Variants in DIAPH2 observed in about 807,000 individuals in gnomAD.
The protein encoded by DIAPH2 is diaphanous related formin 2, also known as protein diaphanous homolog 2.
Under a neutral mutation model 92.7 loss-of-function variants are expected in DIAPH2, and 35 were observed. The ratio of observed to expected loss-of-function variants is 0.38; its 90% confidence interval spans 0.29 to 0.50. The LOEUF (loss-of-function observed/expected upper bound fraction) is 0.50. Ranked by LOEUF, DIAPH2 falls within the 20% of genes least tolerant of loss-of-function variation. DIAPH2 has a pLI of 0.94. For synonymous variants in DIAPH2, 301 were observed against 280.4 expected (o/e 1.07, Z -0.73); for missense variants, 701 against 819.5 (o/e 0.86, Z 1.77).
Position 97,357,015 on chromosome X carries a change from C to G in DIAPH2, c.3009+8735C>G, listed in dbSNP as rs1469281764. ...CAATGCCACCTTTTCCTATTAAAGT[C>G]TAATAAGAACTAGAATCAGGAAACA... On this transcript the variant is annotated intron_variant, in intron 24 of 26. Transcript: ENST00000324765. 2.7e-5 allele frequency among the ~76,000 whole-genome samples: 3 copies of G among 111,702 alleles called. No individual in the cohort carries two copies. The East Asian group carries it at 8.4e-4, about 31-fold the overall frequency.
At chrX:97,041,481 A>G (rs2066447975) in intron 17 of DIAPH2, among the ~76,000 whole-genome samples, 1 of 110,974 alleles carries the variant, frequency 9.0e-6, no homozygotes, top group Admixed American at 9.6e-5. Context: ...TTTGTGATGA[A>G]TATTTCTTTA....
In DIAPH2 at chrX:97,382,318, C is replaced by T. The variant is rs972962627; in HGVS notation, c.3010-1591C>T. Among the ~76,000 whole-genome samples, 3 of 111,834 alleles carry T rather than the reference C, an allele frequency of 2.7e-5. No homozygotes were observed. In the Admixed American group the frequency reaches 2.8e-4, roughly 11 times the overall value. On this transcript the variant is annotated intron_variant, in intron 24 of 26. Transcript: ENST00000324765. ...TATAATTCAGTGGTTTGGCCGGGTGCGGTGGCTCACGCCTGTAATCCCAGC... is the reference window on the plus strand; with the variant it reads ...TATAATTCAGTGGTTTGGCCGGGTGTGGTGGCTCACGCCTGTAATCCCAGC...
chrX:97,155,226 G>A (rs764774247), intron 22 of DIAPH2, among the ~76,000 whole-genome samples: 2 of 111,877 alleles, frequency 1.8e-5, no homozygotes, highest in East Asian at 2.8e-4. Flanking sequence ...GAAATAGGCC[G>A]GGCTTGGTGG....
chrX:96,812,073 T>C (rs1352483945), intron 4 of DIAPH2, among the ~76,000 whole-genome samples: 2 of 112,009 alleles, frequency 1.8e-5, no homozygotes, highest in South Asian at 7.4e-4. Flanking sequence ...TTCTATTGAT[T>C]GGAATAGTTT....
intron 23 of DIAPH2, among the ~76,000 whole-genome samples, chrX:97,336,796 G>A (rs916108546): frequency 1.8e-5 from 2 of 111,508 alleles, no homozygotes; most frequent in African/African-American, 6.5e-5. Flanking sequence ...TTCGAAGGAA[G>A]GATAAAAAGA....
At position 97,431,001 on chromosome X, in the gene DIAPH2, A is replaced by G. The variant is rs2070120845; in HGVS notation, c.3241+1256A>G. Among the ~76,000 whole-genome samples the G allele has an allele frequency of 1.8e-5, 2 of 112,061 alleles. 1 individual carries two copies. The highest frequency in any genetic ancestry group is 7.5e-4 in the South Asian group (2 of 2,661). ...TTTTATGTATATGAATGCATCGTAG[A>G]TGGCCTACAAAAAGGGTGGAAGACT... On this transcript the variant is annotated intron_variant, in intron 26 of 26. Transcript: ENST00000324765.
intron 22 of DIAPH2, among the ~76,000 whole-genome samples, chrX:97,186,578 G>A (rs1349522275): frequency 8.9e-6 from 1 of 112,163 alleles, no homozygotes; most frequent in Non-Finnish European, 1.9e-5. Flanking sequence ...TTAGCATGAT[G>A]ATTTATAAAT....
At chrX:97,364,759 G>GTTTTTTTTTGTTTTTTTTTTT (rs1279508605) in intron 24 of DIAPH2, among the ~76,000 whole-genome samples, 3 of 56,567 alleles carry the variant, frequency 5.3e-5, no homozygotes, top group African/African-American at 1.7e-4. Flanking sequence ...GTCTCCTGGT[G>GTTTTTTTTTGTTTTTTTTTTT]TTTTTTTTTT....
At chrX:96,888,584 T>TATATATAG (rs2065283543) in intron 5 of DIAPH2, among the ~76,000 whole-genome samples, 1 of 99,430 alleles carries the variant, frequency 1.0e-5, no homozygotes, top group Admixed American at 1.2e-4. Context: ...TATATATCTA[T>TATATATAG]ATATATACAG....
intron 26 of DIAPH2, among the ~76,000 whole-genome samples, chrX:97,467,246 G>A (rs975461352): frequency 7.1e-5 from 8 of 112,000 alleles, no homozygotes; most frequent in African/African-American, 2.3e-4. Flanking sequence ...GCTTCCATGC[G>A]TTACAGTCCC....
chrX:96,932,608 A>T (rs898397657), intron 10 of DIAPH2, among the ~76,000 whole-genome samples: 3 of 110,739 alleles, frequency 2.7e-5, no homozygotes, highest in African/African-American at 9.8e-5. Flanking sequence ...TGTGCTTCTT[A>T]ATTTATATAT....
intron 22 of DIAPH2, among the ~76,000 whole-genome samples, chrX:97,207,416 G>C (rs775679280): frequency 1.8e-5 from 2 of 111,281 alleles, no homozygotes; most frequent in African/African-American, 3.3e-5. Flanking sequence ...CAAGAATGGC[G>C]ATGATGATGA....
intron 24 of DIAPH2, among the ~76,000 whole-genome samples, chrX:97,360,343 G>A (rs1245933697): frequency 9.0e-6 from 1 of 110,787 alleles, no homozygotes; most frequent in Non-Finnish European, 1.9e-5. Context: ...TCTGGGTGCG[G>A]TGGCTCACGC....
chrX:97,518,307 A>T (rs1316014658), intron 26 of DIAPH2, among the ~76,000 whole-genome samples: 1 of 111,430 alleles, frequency 9.0e-6, no homozygotes, highest in African/African-American at 3.3e-5. Context: ...TCTCATATAG[A>T]TCCAAAATCA....
chrX:96,755,289 T>C (rs962493016), intron 3 of DIAPH2, among the ~76,000 whole-genome samples: 1 of 112,039 alleles, frequency 8.9e-6, no homozygotes, highest in Non-Finnish European at 1.9e-5. Flanking sequence ...AACAAAGTTA[T>C]TATTCAATAG....
intron 26 of DIAPH2, among the ~76,000 whole-genome samples, chrX:97,510,941 C>T (rs1461320474): frequency 1.6e-4 from 17 of 107,692 alleles, no homozygotes; most frequent in African/African-American, 4.0e-4. Flanking sequence ...AGTCAGGTAG[C>T]GTGATGCCTC....
chrX:97,371,145 A>G (rs767365533), intron 24 of DIAPH2, among the ~76,000 whole-genome samples: 2 of 111,713 alleles, frequency 1.8e-5, no homozygotes, highest in Non-Finnish European at 3.8e-5. Context: ...ATATCTAACA[A>G]GTAGAGAACA....
intron 25 of DIAPH2, among the ~76,000 whole-genome samples, chrX:97,403,921 T>A (rs1051175933): frequency 9.1e-6 from 1 of 109,466 alleles, no homozygotes; most frequent in African/African-American, 3.3e-5. Context: ...GGCTCAATCT[T>A]GGCTCACCAC....
chrX:97,409,135 A>G (rs745931031), intron 25 of DIAPH2, among the ~76,000 whole-genome samples: 1 of 112,123 alleles, frequency 8.9e-6, no homozygotes, highest in East Asian at 2.8e-4. Flanking sequence ...AAGAAGTGGT[A>G]TAGCTGAGTC....
Sources: allele counts gnomAD v4.1 joint callset (sites outside exome capture counted in the v4.1 genomes callset), GRCh38; gene constraint gnomAD v4.1.1; transcripts MANE v1.5; gene names NCBI Gene and HGNC (gene_info 2026-07-23, HGNC 2026-07-21).